ZSCAN5A: variants seen among roughly 807,000 people sequenced by gnomAD.
ZSCAN5A encodes zinc finger and SCAN domain-containing protein 5A.
Under a neutral mutation model 23.7 loss-of-function variants are expected in ZSCAN5A, and 12 were observed. The observed-to-expected ratio is 0.51, with a 90% confidence interval of 0.32 to 0.82. ZSCAN5A has a LOEUF of 0.82. Among genes scored for constraint, ZSCAN5A ranks in the 40% least tolerant of loss-of-function variants. The probability of loss-of-function intolerance (pLI) is 0.03; values close to 1 mark genes in which losing one functional copy is unlikely to be tolerated. For missense variants in ZSCAN5A, 597 were observed against 617.9 expected, an observed-to-expected ratio of 0.97 and a Z score of 0.36; for synonymous variants, 257 against 239.9, an observed-to-expected ratio of 1.07 and a Z score of -0.66.
intron 2 of ZSCAN5A, among the ~76,000 whole-genome samples, chr19:56,330,239 G>A (rs1486176142): frequency 6.6e-6 from 1 of 152,118 alleles, no homozygotes; most frequent in African/African-American, 2.4e-5. Context: ...CACTAATAAT[G>A]GGCAGCTATG....
At chr19:56,279,967 T>A (rs2147049422) in intron 2 of ZSCAN5A, among the ~76,000 whole-genome samples, 1 of 152,302 alleles carries the variant, frequency 6.6e-6, no homozygotes, top group African/African-American at 2.4e-5. Flanking sequence ...TATTTTCATT[T>A]AAAATAAGAT....
At chr19:56,325,777 T>C (rs575925572) in intron 2 of ZSCAN5A, among the ~76,000 whole-genome samples, 1 of 152,254 alleles carries the variant, frequency 6.6e-6, no homozygotes, top group South Asian at 2.1e-4. Context: ...AGGGCCTAGA[T>C]TTTATGACAA....
chr19:56,359,172 T>TA (rs1332450126), intron 2 of ZSCAN5A, among the ~76,000 whole-genome samples: 1 of 146,776 alleles, frequency 6.8e-6, no homozygotes, highest in Non-Finnish European at 1.5e-5. Flanking sequence ...ATAAAATAGA[T>TA]AGACCATTAG....
upstream of ZSCAN5A, chr19:56,319,738 A>G (rs905047913): frequency 1.2e-5 from 8 of 688,922 alleles, no homozygotes; most frequent in East Asian, 5.2e-5. Flanking sequence ...CCTGTTTAAC[A>G]AACACAGATC....
At chr19:56,343,911 A>C (rs2041613046) in intron 2 of ZSCAN5A, among the ~76,000 whole-genome samples, 1 of 152,218 alleles carries the variant, frequency 6.6e-6, no homozygotes, top group South Asian at 2.1e-4. Flanking sequence ...AAAATACCCA[A>C]ATAATAAAAT....
Position 56,352,110 on chromosome 19 carries a change from C to G in ZSCAN5A, c.-358+11125G>C, listed in dbSNP as rs911314460. ...GTGGGGTTTTTTTGTTTGTTTGTTT[C>G]TTTGTTTTTGAGACGGAATCTCGCT... is the stretch of plus-strand genomic sequence containing the variant. On this transcript the variant is annotated intron_variant, in intron 2 of 6. Transcript: ENST00000587340. The surrounding 1 kb of genome is among the most constrained non-coding windows in gnomAD (Gnocchi z 4.2). 3.9e-5 allele frequency among the ~76,000 whole-genome samples: 6 copies of G among 152,008 alleles called. No homozygotes were observed. The South Asian group carries it at 6.2e-4, about 16-fold the overall frequency.
intron 2 of ZSCAN5A, among the ~76,000 whole-genome samples, chr19:56,291,131 CA>C (rs2147154092): frequency 6.6e-6 from 1 of 152,284 alleles, no homozygotes; most frequent in East Asian, 1.9e-4. Context: ...CCCGAGCTCA[CA>C]GGACCGTTGC....
chr19:56,306,298 A>G (rs55980097), intron 2 of ZSCAN5A, among the ~76,000 whole-genome samples: 41,046 of 118,516 alleles, frequency 0.35, 6,728 homozygotes, highest in Middle Eastern at 0.53. Context: ...CCTCTCCCGC[A>G]TCGCCAGAGA....
intron 2 of ZSCAN5A, among the ~76,000 whole-genome samples, chr19:56,304,150 G>C (rs2040526753): frequency 6.6e-6 from 1 of 152,200 alleles, no homozygotes; most frequent in Admixed American, 6.5e-5. Context: ...GACAGACTGA[G>C]AGGAGGAGAC....
chr19:56,366,361 T>G (rs1253587152), intron 1 of ZSCAN5A, among the ~76,000 whole-genome samples: 3 of 147,988 alleles, frequency 2.0e-5, no homozygotes, highest in Non-Finnish European at 4.4e-5. Context: ...AGGCGGAGCT[T>G]GCAGTGAGCC....
At chr19:56,230,887 GA>G (rs1474632117) in intron 2 of ZSCAN5A, among the ~76,000 whole-genome samples, 1 of 152,122 alleles carries the variant, frequency 6.6e-6, no homozygotes, top group Non-Finnish European at 1.5e-5. Flanking sequence ...TCATTCACAG[GA>G]AACCTATTTT....
At chr19:56,322,297 C>G (rs1232383353) in intron 2 of ZSCAN5A, 4 of 1,066,826 alleles carry the variant, frequency 3.7e-6, no homozygotes, top group Non-Finnish European at 5.8e-6. Flanking sequence ...CTTTCACTGC[C>G]TTTTGAAAGG....
chr19:56,291,742 T>G (rs987940480), intron 2 of ZSCAN5A, among the ~76,000 whole-genome samples: 3 of 151,020 alleles, frequency 2.0e-5, no homozygotes, highest in Admixed American at 6.6e-5. Flanking sequence ...TTGACCATCT[T>G]TTTTTTTTAA....
intron 2 of ZSCAN5A, among the ~76,000 whole-genome samples, chr19:56,276,349 G>A (rs1213168140): frequency 6.6e-6 from 1 of 152,022 alleles, no homozygotes; most frequent in African/African-American, 2.4e-5. Context: ...AGGCCTATTC[G>A]GAAAATGAAG....
chr19:56,328,849 G>T (rs1285994974), intron 2 of ZSCAN5A, among the ~76,000 whole-genome samples: 3 of 150,590 alleles, frequency 2.0e-5, no homozygotes, highest in Non-Finnish European at 3.0e-5. Flanking sequence ...AAAAAAATTA[G>T]CTGGGCATGG....
chr19:56,231,991 C>T (rs12974469), intron 2 of ZSCAN5A, among the ~76,000 whole-genome samples: 21 of 34,340 alleles, frequency 6.1e-4, no homozygotes, highest in African/African-American at 2.0e-3. Context: ...TTCTTTTTTT[C>T]TTTTCTTTTT....
At chr19:56,222,871 C>G (rs1226616436) in intron 4 of ZSCAN5A, 130 bp from the exon 5 acceptor site, 35 of 1,202,994 alleles carry the variant, frequency 2.9e-5, no homozygotes, top group Non-Finnish European at 3.8e-5. Flanking sequence ...TGCAGACTTC[C>G]CCTGGACCAC....
intron 2 of ZSCAN5A, among the ~76,000 whole-genome samples, chr19:56,302,547 T>TTCTTCCTCTCCCTCTTCCTC (rs1568726189): frequency 1.3e-5 from 1 of 78,804 alleles, no homozygotes; most frequent in Admixed American, 1.4e-4. Context: ...TCCTCCCCGT[T>TTCTTCCTCTCCCTCTTCCTC]CCTCCCTCCC....
At chr19:56,257,932 G>A (rs1201320524) in intron 2 of ZSCAN5A, among the ~76,000 whole-genome samples, 1 of 125,060 alleles carries the variant, frequency 8.0e-6, no homozygotes, top group African/African-American at 3.3e-5. Context: ...GACTCTGCAA[G>A]CCTTTCACAC....
Sources: gnomAD v4.1 joint callset for allele counts (sites outside exome capture counted in the v4.1 genomes callset) on GRCh38, gnomAD v4.1.1 for gene constraint, Gnocchi (gnomAD v3.1) non-coding constraint, MANE v1.5 for transcripts, NCBI Gene and HGNC (gene_info 2026-07-23, HGNC 2026-07-21) for gene names.